CALN1: variants seen among roughly 807,000 people sequenced by gnomAD.
CALN1 encodes calneuron 1.
In CALN1, 17 loss-of-function variants were observed where a neutral mutation model predicts 30.6. The observed-to-expected ratio is 0.56, with a 90% CI of 0.38 to 0.83. The LOEUF (loss-of-function observed/expected upper bound fraction) is 0.83. Among genes scored for constraint, CALN1 ranks in the 40% least tolerant of loss-of-function variants. CALN1 has a pLI of 0.00. For missense variants in CALN1, 291 were observed against 354.9 expected, an observed-to-expected ratio of 0.82 and a Z score of 1.45; for synonymous variants, 156 against 131.4, an observed-to-expected ratio of 1.19 and a Z score of -1.28.
intron 2 of CALN1, among the ~76,000 whole-genome samples, chr7:72,318,401 C>G (rs1171682271): frequency 1.3e-5 from 2 of 152,170 alleles, no homozygotes; most frequent in East Asian, 3.9e-4. Flanking sequence ...GAGCAAGGGA[C>G]AGAAGATCAG....
intron 2 of CALN1, among the ~76,000 whole-genome samples, chr7:72,375,141 C>T (rs763204870): frequency 1.2e-4 from 19 of 152,112 alleles, no homozygotes; most frequent in African/African-American, 1.7e-4. Flanking sequence ...GGCTTAAACA[C>T]GCATTGTCTT....
At chr7:71,822,494 C>T (rs1171131458) in intron 5 of CALN1, among the ~76,000 whole-genome samples, 1 of 152,188 alleles carries the variant, frequency 6.6e-6, no homozygotes, top group Non-Finnish European at 1.5e-5. Flanking sequence ...GTCATCTGCC[C>T]GTCTTGGCCT....
chr7:72,053,823 C>T (rs988536474), intron 4 of CALN1, among the ~76,000 whole-genome samples: 3 of 146,104 alleles, frequency 2.1e-5, no homozygotes, highest in African/African-American at 5.0e-5. Flanking sequence ...CAAAGTCCAT[C>T]GTATCATTCT....
rs117937141 is a variant in CALN1 at position 72,280,769 on chromosome 7, A to G, written c.120-1959T>C. Reference sequence around the variant, plus strand: ...AGTGTTGAGAGGTGGGACCTTTAAGAGGTGATTAGGTCATGAGGACAGAAT... The same window carrying G: ...AGTGTTGAGAGGTGGGACCTTTAAGGGGTGATTAGGTCATGAGGACAGAAT... On this transcript the variant is annotated intron_variant, in intron 2 of 6. Transcript: ENST00000395275. Among the ~76,000 whole-genome samples, 10 of 152,278 alleles carry G rather than the reference A, an allele frequency of 6.6e-5. No homozygotes were observed. The East Asian group carries it at 1.9e-3, about 29-fold the overall frequency.
intron 5 of CALN1, among the ~76,000 whole-genome samples, chr7:71,859,379 C>T (rs952980784): frequency 3.3e-5 from 5 of 152,070 alleles, no homozygotes; most frequent in South Asian, 2.1e-4. Context: ...TGTTGACCTC[C>T]GGACACCAAG....
chr7:72,101,356 C>T (rs844713), intron 4 of CALN1, among the ~76,000 whole-genome samples: 113,449 of 152,118 alleles, frequency 0.75, 42,789 homozygotes, highest in East Asian at 1. Flanking sequence ...AAACTTTTTT[C>T]CCTGCAAATG....
At chr7:71,923,766 C>T (rs994611516) in intron 5 of CALN1, among the ~76,000 whole-genome samples, 1 of 149,542 alleles carries the variant, frequency 6.7e-6, no homozygotes. Context: ...GACACAGATG[C>T]ACTTTTTTAG....
chr7:72,153,890 T>C (rs144378581), intron 3 of CALN1, among the ~76,000 whole-genome samples: 160 of 152,242 alleles, frequency 1.1e-3, no homozygotes, highest in Admixed American at 2.4e-3. Context: ...GTGGTTAGAA[T>C]GATTTTTAAA....
At chr7:72,328,771 C>T (rs1801457744) in intron 2 of CALN1, among the ~76,000 whole-genome samples, 1 of 152,232 alleles carries the variant, frequency 6.6e-6, no homozygotes, top group Non-Finnish European at 1.5e-5. Context: ...TCTCAGCTCA[C>T]TGCAACCTCC....
chr7:72,214,636 A>G (rs974071439), intron 3 of CALN1, among the ~76,000 whole-genome samples: 9 of 152,024 alleles, frequency 5.9e-5, no homozygotes, highest in African/African-American at 1.9e-4. Context: ...AAAAAAAAAT[A>G]GGTCTTCTAC....
chr7:71,862,145 C>T (rs1268256595), intron 5 of CALN1, among the ~76,000 whole-genome samples: 1 of 152,230 alleles, frequency 6.6e-6, no homozygotes, highest in East Asian at 1.9e-4. Flanking sequence ...CATAAATCTG[C>T]AAAGGTACCT....
At chr7:72,489,396 A>G in the CALN1 span, among the ~76,000 whole-genome samples, 2 of 152,184 alleles carry the variant, frequency 1.3e-5, no homozygotes, top group Admixed American at 1.3e-4. Flanking sequence ...CTTATCTTTC[A>G]CTTACACTTT....
chr7:72,291,414 TG>T (rs1258270420), intron 2 of CALN1, among the ~76,000 whole-genome samples: 1 of 152,196 alleles, frequency 6.6e-6, no homozygotes, highest in Admixed American at 6.5e-5. Context: ...CTTTTCCCAC[TG>T]GAGTTCCAAG....
At chr7:72,248,948 T>C (rs1439843580) in intron 3 of CALN1, among the ~76,000 whole-genome samples, 7 of 152,120 alleles carry the variant, frequency 4.6e-5, no homozygotes, top group Admixed American at 3.3e-4. Flanking sequence ...TTCCAAGATA[T>C]AAGAGAAAGG....
chr7:72,015,882 C>A (rs1311527640), intron 5 of CALN1, among the ~76,000 whole-genome samples: 5 of 152,162 alleles, frequency 3.3e-5, no homozygotes, highest in African/African-American at 1.2e-4. Context: ...GGAATGAAGG[C>A]TTGCTGTCAG....
At chr7:72,279,197 A>G (rs1027905722) in intron 2 of CALN1, among the ~76,000 whole-genome samples, 6 of 152,176 alleles carry the variant, frequency 3.9e-5, no homozygotes, top group African/African-American at 1.4e-4. Flanking sequence ...GAATCCCAGA[A>G]GTGTAGGGAT....
chr7:71,951,105 G>C (rs1366648853), intron 5 of CALN1, among the ~76,000 whole-genome samples: 2 of 152,140 alleles, frequency 1.3e-5, no homozygotes, highest in Non-Finnish European at 2.9e-5. Context: ...CCTGAAACCT[G>C]CTGGACACAT....
At chr7:72,247,348 C>T (rs373983555) in intron 3 of CALN1, among the ~76,000 whole-genome samples, 7 of 146,422 alleles carry the variant, frequency 4.8e-5, no homozygotes, top group Non-Finnish European at 7.4e-5. Context: ...TCCCGGTTCA[C>T]GCCATTCTCC....
chr7:72,220,678 A>G (rs1354185219), intron 3 of CALN1, among the ~76,000 whole-genome samples: 4 of 151,990 alleles, frequency 2.6e-5, no homozygotes, highest in Non-Finnish European at 5.9e-5. Flanking sequence ...AAGTGTTCCT[A>G]TTTCTCCACA....
Sources: gnomAD v4.1 joint callset for allele counts (sites outside exome capture counted in the v4.1 genomes callset) on GRCh38, gnomAD v4.1.1 for gene constraint, MANE v1.5 for transcripts, NCBI Gene and HGNC (gene_info 2026-07-23, HGNC 2026-07-21) for gene names.